Variants in ZNF385D observed in about 807,000 individuals in gnomAD.
The protein encoded by ZNF385D is zinc finger protein 385D, also known as zinc finger protein 659.
In ZNF385D, 15 loss-of-function variants were observed where a neutral mutation model predicts 35.8. The observed-to-expected ratio is 0.42, with a 90% CI of 0.28 to 0.64. ZNF385D has a LOEUF of 0.64. ZNF385D is among the 30% of genes least tolerant of loss of function. The pLI is 0.23. For synonymous variants in ZNF385D, 212 were observed against 186.8 expected (o/e 1.13, Z -1.10); for missense variants, 474 against 494.6 (o/e 0.96, Z 0.39).
chr3:21,848,360 T>C (rs1412987849), intron 3 of ZNF385D, among the ~76,000 whole-genome samples: 4 of 151,854 alleles, frequency 2.6e-5, no homozygotes, highest in Admixed American at 2.6e-4. Context: ...CGGATAAATA[T>C]TTAGAAATAG....
intron 3 of ZNF385D, among the ~76,000 whole-genome samples, chr3:21,531,016 A>G (rs985297074): frequency 2.6e-5 from 4 of 152,206 alleles, no homozygotes; most frequent in Admixed American, 2.6e-4. Context: ...GCCAACCACA[A>G]GAGTTAAAGA....
chr3:21,586,077 G>A (rs752524338), intron 2 of ZNF385D, among the ~76,000 whole-genome samples: 13 of 151,848 alleles, frequency 8.6e-5, no homozygotes, highest in Non-Finnish European at 5.9e-5. Flanking sequence ...ATGGTGGCAC[G>A]CACCTGTAGG....
At chr3:22,034,224 C>T (rs929416275) in intron 3 of ZNF385D, among the ~76,000 whole-genome samples, 4 of 152,058 alleles carry the variant, frequency 2.6e-5, no homozygotes, top group African/African-American at 9.7e-5. Context: ...GCGAAGTTCT[C>T]GTGAATGAAA....
At chr3:22,150,821 A>T (rs1705177921) in intron 3 of ZNF385D, among the ~76,000 whole-genome samples, 1 of 152,162 alleles carries the variant, frequency 6.6e-6, no homozygotes, top group African/African-American at 2.4e-5. Context: ...ATGCAGACCC[A>T]TATAATCATG....
intron 2 of ZNF385D, among the ~76,000 whole-genome samples, chr3:22,321,061 G>A (rs1694392021): frequency 6.7e-6 from 1 of 149,624 alleles, no homozygotes; most frequent in African/African-American, 2.5e-5. Flanking sequence ...TTTTACAATT[G>A]TTTCAGAAAC....
intron 2 of ZNF385D, among the ~76,000 whole-genome samples, chr3:22,221,093 T>C (rs957302917): frequency 2.0e-5 from 3 of 152,076 alleles, no homozygotes; most frequent in Non-Finnish European, 4.4e-5. Flanking sequence ...TACCATGCTA[T>C]CTAGTTGGCA....
chr3:21,466,099 T>C (rs1262266174), intron 4 of ZNF385D, among the ~76,000 whole-genome samples: 2 of 152,194 alleles, frequency 1.3e-5, no homozygotes, highest in African/African-American at 2.4e-5. Flanking sequence ...ATAACTGCAA[T>C]AGCCCTGCAA....
At chr3:21,673,083 G>T (rs965497632) in intron 1 of ZNF385D, among the ~76,000 whole-genome samples, 2 of 152,052 alleles carry the variant, frequency 1.3e-5, no homozygotes, top group African/African-American at 2.4e-5. Flanking sequence ...TACTGCTAGT[G>T]ATATAGAATA....
intron 3 of ZNF385D, among the ~76,000 whole-genome samples, chr3:21,939,618 A>G (rs1029344254): frequency 6.6e-6 from 1 of 152,250 alleles, no homozygotes; most frequent in Non-Finnish European, 1.5e-5. Context: ...TAATAAAAAA[A>G]GAAAATATAG....
intron 3 of ZNF385D, among the ~76,000 whole-genome samples, chr3:21,832,924 G>A (rs898677569): frequency 6.6e-6 from 1 of 152,086 alleles, no homozygotes; most frequent in Non-Finnish European, 1.5e-5. Context: ...TATACTTGTG[G>A]TCAAAAACTT....
chr3:22,220,214 C>A (rs1447812489), intron 2 of ZNF385D, among the ~76,000 whole-genome samples: 1 of 151,958 alleles, frequency 6.6e-6, no homozygotes, highest in Admixed American at 6.6e-5. Context: ...CAGGCACGTG[C>A]CACCACACCA....
chr3:21,957,604 G>T (rs555259381), intron 3 of ZNF385D, among the ~76,000 whole-genome samples: 1 of 152,066 alleles, frequency 6.6e-6, no homozygotes, highest in African/African-American at 2.4e-5. Flanking sequence ...ACATGCATAA[G>T]GTATTGCTTG....
intron 2 of ZNF385D, among the ~76,000 whole-genome samples, chr3:22,191,919 C>A (rs1576472682): frequency 3.8e-5 from 1 of 26,212 alleles, no homozygotes; most frequent in Admixed American, 2.2e-4. Flanking sequence ...TATAAAAAAA[C>A]AATGGTAATT....
At chr3:22,197,155 G>C (rs181716711) in intron 2 of ZNF385D, among the ~76,000 whole-genome samples, 6 of 152,086 alleles carry the variant, frequency 3.9e-5, no homozygotes, top group Admixed American at 2.6e-4. Flanking sequence ...TTTTTTAAAA[G>C]ATGTTTGGTG....
chr3:22,030,332 C>G (rs1697918588), intron 3 of ZNF385D, among the ~76,000 whole-genome samples: 1 of 110,994 alleles, frequency 9.0e-6, no homozygotes, highest in African/African-American at 3.7e-5. Flanking sequence ...GAAGAGAACT[C>G]TGACTAATAT....
chr3:22,130,002 C>T (rs1374821007), intron 3 of ZNF385D, among the ~76,000 whole-genome samples: 1 of 152,076 alleles, frequency 6.6e-6, no homozygotes, highest in Admixed American at 6.6e-5. Context: ...GATGTTTATT[C>T]AAGGCTCAAG....
intron 3 of ZNF385D, among the ~76,000 whole-genome samples, chr3:22,026,625 T>G (rs1385696901): frequency 6.6e-6 from 1 of 152,182 alleles, no homozygotes; most frequent in Admixed American, 6.5e-5. Flanking sequence ...GAATGCGTAA[T>G]TGGCATAGAC....
intron 3 of ZNF385D, among the ~76,000 whole-genome samples, chr3:21,822,687 T>C (rs74189615): frequency 0.058 from 8,790 of 152,138 alleles, 532 homozygotes; most frequent in East Asian, 0.32. Context: ...GCCAAATGCA[T>C]AGTTACAGTA....
chr3:21,897,792 TAGA>T (rs1553694652), intron 3 of ZNF385D, among the ~76,000 whole-genome samples: 1 of 152,152 alleles, frequency 6.6e-6, no homozygotes, highest in Non-Finnish European at 1.5e-5. Context: ...GAACTTCATA[TAGA>T]TGCATTCATG....
Sources: allele counts gnomAD v4.1 joint callset (sites outside exome capture counted in the v4.1 genomes callset), GRCh38; gene constraint gnomAD v4.1.1; transcripts MANE v1.5; gene names NCBI Gene and HGNC (gene_info 2026-07-23, HGNC 2026-07-21).